The following OPN5 variants were observed in gnomAD, a reference collection of about 807,000 sequenced individuals.
OPN5 encodes opsin 5.
In OPN5, 18 loss-of-function variants were observed where a neutral mutation model predicts 41.7. The observed-to-expected ratio is 0.43, with a 90% CI of 0.30 to 0.64. OPN5 has a LOEUF of 0.64. Among genes scored for constraint, OPN5 ranks in the 30% least tolerant of loss-of-function variants. The pLI is 0.13. For synonymous variants in OPN5, 178 were observed against 164.3 expected, an observed-to-expected ratio of 1.08 and a Z score of -0.64; for missense variants, 318 against 434.5, an observed-to-expected ratio of 0.73 and a Z score of 2.38.
chr6:47,791,660 C>A, intron 2 of OPN5, 142 bp from the exon 3 acceptor site: 1 of 632,012 alleles, frequency 1.6e-6, no homozygotes, highest in South Asian at 2.2e-5. Context: ...TTTTATTAAT[C>A]TAGGAAATCT....
intron 4 of OPN5, among the ~76,000 whole-genome samples, chr6:47,806,833 C>T (rs936430536): frequency 3.4e-4 from 52 of 152,122 alleles, no homozygotes; most frequent in African/African-American, 1.2e-3. Context: ...TTCTTTATTT[C>T]TACTTGCCAA....
intron 4 of OPN5, among the ~76,000 whole-genome samples, chr6:47,800,673 A>G (rs1057473424): frequency 1.3e-5 from 2 of 152,134 alleles, no homozygotes; most frequent in African/African-American, 4.8e-5. Flanking sequence ...GAATTTGGGG[A>G]AAGGCCTGTT....
At chr6:47,819,686 C>T (rs767866254) in intron 6 of OPN5, among the ~76,000 whole-genome samples, 25 of 151,908 alleles carry the variant, frequency 1.6e-4, no homozygotes, top group East Asian at 5.8e-4. Context: ...ATAGGGGAAG[C>T]GATATTCCAG....
At chr6:47,799,797 G>A (rs865969578) in intron 4 of OPN5, among the ~76,000 whole-genome samples, 1 of 152,138 alleles carries the variant, frequency 6.6e-6, no homozygotes, top group African/African-American at 2.4e-5. Context: ...CTCCTCTGAT[G>A]TCCCCACTTG....
At chr6:47,811,689 C>T (rs377425527) in exon 6 of OPN5, 13 of 1,612,016 alleles carry the variant, frequency 8.1e-6, no homozygotes, top group Non-Finnish European at 1.0e-5. Flanking sequence ...ACACCGTAAC[C>T]ACAGTCAGGA....
At chr6:47,810,662 T>C (rs1016881460) in intron 5 of OPN5, among the ~76,000 whole-genome samples, 1 of 152,138 alleles carries the variant, frequency 6.6e-6, no homozygotes, top group Admixed American at 6.5e-5. Context: ...TGGAAATAAA[T>C]TTTGGGTAAT....
In OPN5 at chr6:47,787,627, C is replaced by A. The variant is rs1773231612; in HGVS notation, c.250+993C>A. The stretch of plus-strand genomic sequence containing the variant: ...CTTTAAAAAATATTTCGTGTCTGGG[C>A]ACAGTGGCTTGCACCTGTAATCCCA... On this transcript the variant is annotated intron_variant, in intron 2 of 6. Coordinates refer to ENST00000371211, the Ensembl canonical transcript of OPN5. 2.0e-5 allele frequency among the ~76,000 whole-genome samples: 3 copies of A among 152,076 alleles called. No homozygotes were observed. The South Asian group carries it at 6.2e-4, about 32-fold the overall frequency.
intron 5 of OPN5, among the ~76,000 whole-genome samples, chr6:47,810,415 G>A (rs1320032880): frequency 1.3e-5 from 2 of 152,100 alleles, no homozygotes; most frequent in Admixed American, 1.3e-4. Flanking sequence ...ATTTCTCTTT[G>A]TTGTTATTAA....
chr6:47,799,234 G>T (rs2113970232), intron 4 of OPN5, among the ~76,000 whole-genome samples: 1 of 148,600 alleles, frequency 6.7e-6, no homozygotes, highest in South Asian at 2.1e-4. Context: ...ACACACACAT[G>T]ATATACATGA....
chr6:47,790,955 T>G (rs1773351857), intron 2 of OPN5, among the ~76,000 whole-genome samples: 1 of 152,176 alleles, frequency 6.6e-6, no homozygotes, highest in Admixed American at 6.5e-5. Context: ...AAAAACCAAA[T>G]TCCCCTTTTC....
At chr6:47,806,179 A>C (rs1160040373) in intron 4 of OPN5, among the ~76,000 whole-genome samples, 1 of 151,398 alleles carries the variant, frequency 6.6e-6, no homozygotes, top group Non-Finnish European at 1.5e-5. Flanking sequence ...CAAACAAACA[A>C]CCCCCCCAAA....
chr6:47,809,129 A>G (rs1774091175), intron 5 of OPN5, among the ~76,000 whole-genome samples: 1 of 152,116 alleles, frequency 6.6e-6, no homozygotes, highest in South Asian at 2.1e-4. Context: ...GTGAGTAAAG[A>G]CTTGGGGGTT....
rs1773392936 is a variant in OPN5 at position 47,792,092 on chromosome 6, A to T, written c.421+120A>T. 4.5e-6 allele frequency: 3 copies of T among 672,614 alleles called. No individual in the cohort carries two copies. The East Asian group carries it at 8.3e-5, about 19-fold the overall frequency. The allele number at this position is 672,614 out of a possible 1,614,324, so 41.7% of individuals were successfully genotyped here. A position where few individuals can be genotyped will look rare whatever the true frequency, so the allele number is the denominator to read the frequency against. Reference sequence around the variant, plus strand: ...ATGAATAACCTCAGAGATCAAGAATATTTCTATTTATAGCCTATCATCTTG... The same window carrying T: ...ATGAATAACCTCAGAGATCAAGAATTTTTCTATTTATAGCCTATCATCTTG... On this transcript the variant is annotated intron_variant, in intron 3 of 6. Coordinates refer to ENST00000371211, the Ensembl canonical transcript of OPN5.
intron 4 of OPN5, among the ~76,000 whole-genome samples, chr6:47,800,410 G>C (rs545914657): frequency 6.6e-6 from 1 of 152,306 alleles, no homozygotes; most frequent in East Asian, 1.9e-4. Context: ...CTGCCCAGGT[G>C]GGGCCACAGG....
Position 47,813,039 on chromosome 6 carries a change from T to G in OPN5, c.1056+1308T>G, listed in dbSNP as rs139713856. 2.8e-3 allele frequency among the ~76,000 whole-genome samples: 421 copies of G among 151,772 alleles called. 3 individuals are homozygous for G. Among genetic ancestry groups the G allele is most frequent in the African/African-American group, 8.2e-3 (340 of 41,346 alleles). ...TCACTGGTTTAAGATAAATGCCAAA[T>G]AGATGTTGGAAAACATGCTCTATGA... On this transcript the variant is annotated intron_variant, in intron 6 of 6. Coordinates refer to ENST00000371211, the Ensembl canonical transcript of OPN5.
intron 1 of OPN5, 150 bp downstream of exon 1, chr6:47,782,346 C>A: frequency 1.6e-6 from 1 of 613,158 alleles, no homozygotes; most frequent in Non-Finnish European, 2.8e-6. Context: ...GGCATTATGG[C>A]ATTCAATAAA....
chr6:47,795,324 G>C, exon 4 of OPN5: 1 of 1,614,102 alleles, frequency 6.2e-7, no homozygotes, highest in Non-Finnish European at 8.5e-7. Flanking sequence ...AGGTCTGGGG[G>C]ACTACGTACC....
At chr6:47,817,917 G>A (rs1385508810) in intron 6 of OPN5, among the ~76,000 whole-genome samples, 2 of 152,120 alleles carry the variant, frequency 1.3e-5, no homozygotes, top group African/African-American at 4.8e-5. Context: ...TGAGATGACA[G>A]CCTCCAGTGA....
At chr6:47,793,056 C>A (rs16876541) in intron 3 of OPN5, among the ~76,000 whole-genome samples, 440 of 149,208 alleles carry the variant, frequency 2.9e-3, no homozygotes, top group African/African-American at 0.01. Context: ...TAGCTTGAAT[C>A]AAAATTTCCA....
Sources: allele counts gnomAD v4.1 joint callset (sites outside exome capture counted in the v4.1 genomes callset), GRCh38; gene constraint gnomAD v4.1.1; transcripts MANE v1.5; gene names NCBI Gene and HGNC (gene_info 2026-07-23, HGNC 2026-07-21).